KHDC4: variants seen among roughly 807,000 people sequenced by gnomAD.
KHDC4 encodes the protein KH domain containing 4, pre-mRNA splicing factor.
A neutral mutation model predicts 74.5 loss-of-function variants in KHDC4; 19 were observed. The observed-to-expected ratio is 0.26, with a 90% CI of 0.18 to 0.37. KHDC4 has a LOEUF of 0.37. KHDC4 is among the 10% of genes least tolerant of loss of function. KHDC4 has a pLI of 1.00. For missense variants in KHDC4, 632 were observed against 754.1 expected (o/e 0.84, Z 1.90); for synonymous variants, 253 against 266.1 (o/e 0.95, Z 0.48).
chr1:155,915,982 G>T lies in KHDC4; in HGVS notation c.1554-18C>A. The T allele has an allele frequency of 6.7e-7, 1 of 1,500,284 alleles. No individual in the cohort carries two copies. The highest frequency in any genetic ancestry group is 9.1e-7 in the Non-Finnish European group (1 of 1,099,954). The allele number at this position is 1,500,284 out of a possible 1,614,324, so 92.9% of individuals were successfully genotyped here. A position where few individuals can be genotyped will look rare whatever the true frequency, so the allele number is the denominator to read the frequency against. ...TCAACTGCCTATTGAAAAACAAAAT[G>T]AAACTTTCTTTCAGACAATTTAAAT... On this transcript the variant is annotated intron_variant, in intron 12 of 13. Coordinates refer to ENST00000368321, the MANE Select transcript of KHDC4 (RefSeq NM_014949.4).
chr1:155,927,024 A>G (rs1386350960), intron 5 of KHDC4, 80 bp downstream of exon 5: 1 of 1,423,724 alleles, frequency 7.0e-7, no homozygotes, highest in East Asian at 2.3e-5. Flanking sequence ...GCCATCAGGG[A>G]CACTTTGCCA....
intron 3 of KHDC4, 54 bp from the exon 4 acceptor site, chr1:155,929,429 GCAGA>G: frequency 7.2e-7 from 1 of 1,387,198 alleles, no homozygotes; most frequent in Non-Finnish European, 1.0e-6. Context: ...GATTTCAATG[GCAGA>G]CAGATTTTCT....
rs1673681915 is a variant in KHDC4, at chr1:155,914,109, T to G, written c.*12A>C. On this transcript the variant is annotated 3_prime_UTR_variant, in exon 14 of 14. Transcript: ENST00000368321. ...AGAGTCACTGAGGGTCAAAACTCTG[T>G]TCCACTGTTTCCTAGGGAGCCATCC... 1 of 1,609,100 alleles carries G rather than the reference T, an allele frequency of 6.2e-7. No homozygotes were observed. Among genetic ancestry groups the G allele is most frequent in the Non-Finnish European group, 8.5e-7 (1 of 1,175,430 alleles).
At position 155,925,842 on chromosome 1, in the gene KHDC4, A is replaced by G; in HGVS notation, c.683T>C (p.Met228Thr). 1 of 1,601,758 alleles carries G rather than the reference A, an allele frequency of 6.2e-7. No homozygotes were observed. The highest frequency in any genetic ancestry group is 1.1e-5 in the South Asian group (1 of 90,802). The change falls in exon 7 of 14, where the codon ATG (methionine) becomes ACG (threonine). Residue 228 changes from methionine (M) to threonine (T), a missense_variant and splice_region_variant. By Grantham distance (81) the Met-to-Thr change is moderately conservative (BLOSUM62 -1). Coordinates refer to ENST00000368321, the MANE Select transcript of KHDC4 (RefSeq NM_014949.4). Reference protein sequence around the residue: ...VSQKPPFQSGMHYVQDKLFVG... With the variant: ...VSQKPPFQSGTHYVQDKLFVG... The stretch of plus-strand genomic sequence containing the variant: ...AAATAATTTATCTTGAACATAATGC[A>G]TCTGTAGGAAGAACAGAATACTTCA...
chr1:155,914,045 A>C lies in KHDC4; in HGVS notation c.*76T>G. On this transcript the variant is annotated 3_prime_UTR_variant, in exon 14 of 14. Coordinates refer to ENST00000368321, the MANE Select transcript of KHDC4 (RefSeq NM_014949.4). ...CCAGATGGTTCCCAGCACAGGCCCC[A>C]GAGTCTTGTTAAATCAAATGCATGC... 3.9e-6 allele frequency: 5 copies of C among 1,270,034 alleles called. No individual in the cohort carries two copies. Among genetic ancestry groups the C allele is most frequent in the Non-Finnish European group, 5.8e-6 (5 of 869,536 alleles). The allele number at this position is 1,270,034 out of a possible 1,614,324, so 78.7% of individuals were successfully genotyped here. A position where few individuals can be genotyped will look rare whatever the true frequency, so the allele number is the denominator to read the frequency against.
In KHDC4 at chr1:155,917,623, A is replaced by G. The variant is rs765349716; in HGVS notation, c.1316T>C (p.Leu439Ser). ...GGGCTGGGGCTGGGGGCCAGCAGGC[A>G]AGGCAGTTTTGACAGGAGCAGCAGG... The part of the protein sequence containing the change: ...FIPAAPVKTA[L>S]PAGPQPQPQP... Residue 439 changes from leucine to serine, a missense_variant, in exon 11 of 14, where the codon TTG becomes TCG. Leu to Ser is a moderately radical substitution (Grantham distance 145). Around this residue, in one of 4 missense-constraint regions of KHDC4, gnomAD observed 254 missense variants for 267.4 expected, o/e 0.95. Transcript: ENST00000368321. The G allele has an allele frequency of 1.9e-6, 3 of 1,602,518 alleles. No individual in the cohort carries two copies. Among genetic ancestry groups the G allele is most frequent in the South Asian group, 1.1e-5 (1 of 90,220 alleles).
At chr1:155,927,803 CAAA>C (rs1157393289) in intron 4 of KHDC4, among the ~76,000 whole-genome samples, 8 of 8,144 alleles carry the variant, frequency 9.8e-4, no homozygotes, top group South Asian at 3.9e-3. Flanking sequence ...ACTCTGTCTC[CAAA>C]AAAAAAAAAA....
In KHDC4 at chr1:155,923,652, T is replaced by C; in HGVS notation, c.929A>G (p.Lys310Arg). 6.2e-7 allele frequency: 1 copy of C among 1,613,998 alleles called. No individual in the cohort carries two copies. Among genetic ancestry groups the C allele is most frequent in the African/African-American group, 1.3e-5 (1 of 75,056 alleles). ...TGTTTGCAAAAGATTCTCACAAAGC[T>C]TCTTGGCAGCAGCCAGGCCTTCTGG... Reference protein sequence around the residue: ...PKPEGLAAAKKLCENLLQTVH... With the variant: ...PKPEGLAAAKRLCENLLQTVH... The change falls in exon 8 of 14, where the codon AAG (lysine) becomes AGG (arginine). Residue 310 changes from lysine to arginine, a missense_variant. Around this residue, in one of 4 missense-constraint regions of KHDC4, gnomAD observed 233 missense variants for 342.6 expected, o/e 0.68. Transcript: ENST00000368321.
At chr1:155,931,906 T>C (rs1006833835) in intron 2 of KHDC4, among the ~76,000 whole-genome samples, 2 of 152,182 alleles carry the variant, frequency 1.3e-5, no homozygotes, top group African/African-American at 4.8e-5. Flanking sequence ...CCGCCTTTAA[T>C]AGTACTTATC....
Position 155,913,978 on chromosome 1 carries a change from T to C in KHDC4, c.*143A>G. On this transcript the variant is annotated 3_prime_UTR_variant, in exon 14 of 14. Coordinates refer to ENST00000368321, the MANE Select transcript of KHDC4 (RefSeq NM_014949.4). The stretch of plus-strand genomic sequence containing the variant: ...ATTTTTGTGGTTGTTAAGGAACCCC[T>C]TTAAGAAAGGGGGGCACTGAATCTC... 1.5e-6 allele frequency: 1 copy of C among 668,848 alleles called. No homozygotes were observed. Among genetic ancestry groups the C allele is most frequent in the Non-Finnish European group, 2.6e-6 (1 of 387,828 alleles). The allele number at this position is 668,848 out of a possible 1,614,324, so 41.4% of individuals were successfully genotyped here.
At chr1:155,921,050 C>G (rs766519814) in intron 10 of KHDC4, among the ~76,000 whole-genome samples, 1 of 152,196 alleles carries the variant, frequency 6.6e-6, no homozygotes, top group Non-Finnish European at 1.5e-5. Flanking sequence ...CTACAACCAC[C>G]GAGTGTGATA....
rs1347228839 is a variant in KHDC4, at chr1:155,929,731, C to T, written c.365G>A (p.Arg122Gln). ...VPLTCRNLLT[R>Q]GQTQDEISRL... ...CCTCACCTCGTCTTGAGTCTGTCCT[C>T]GAGTCAGCAAGTTCCTACATGTGAG... The change falls in exon 3 of 14, where the codon CGA becomes CAA. Residue 122 changes from arginine to glutamine, a missense_variant. Around this residue, in one of 4 missense-constraint regions of KHDC4, gnomAD observed 233 missense variants for 342.6 expected, o/e 0.68. Transcript: ENST00000368321. 2.5e-6 allele frequency: 4 copies of T among 1,611,998 alleles called. No individual in the cohort carries two copies. Among genetic ancestry groups the T allele is most frequent in the Non-Finnish European group, 3.4e-6 (4 of 1,179,254 alleles).
chr1:155,925,048 A>ATGGAGTCTCGCTCTGTCACCCAGGC (rs1401177288), intron 7 of KHDC4, among the ~76,000 whole-genome samples: 4 of 134,346 alleles, frequency 3.0e-5, no homozygotes, highest in African/African-American at 1.1e-4. Flanking sequence ...TTTTTTTGAG[A>ATGGAGTCTCGCTCTGTCACCCAGGC]TGGAGTCTCG....
chr1:155,913,070 G>GA lies in KHDC4; in HGVS notation c.*1050dup, dbSNP rs1673663620. 1 of 152,608 alleles carries GA rather than the reference G, an allele frequency of 6.6e-6. No individual in the cohort carries two copies. The highest frequency in any genetic ancestry group is 1.5e-5 in the Non-Finnish European group (1 of 68,030). 9.5% of individuals were successfully genotyped at this position (152,608 alleles called of 1,614,324 possible). ...GAATATTTATAGATTTATTTATAAT[G>GA]AAATTATGGTCTAAATATTTACAAC... On this transcript the variant is annotated 3_prime_UTR_variant, in exon 14 of 14. Coordinates refer to ENST00000368321, the MANE Select transcript of KHDC4 (RefSeq NM_014949.4).
chr1:155,934,028 C>T (rs1674199387), intron 1 of KHDC4, among the ~76,000 whole-genome samples, 179 bp from the exon 2 acceptor site: 2 of 152,194 alleles, frequency 1.3e-5, no homozygotes, highest in Admixed American at 6.5e-5. Context: ...CAAACCCCCA[C>T]TTTCAACCCT....
At position 155,927,286 on chromosome 1, in the gene KHDC4, G is replaced by T. The variant is rs146326714; in HGVS notation, c.465-130C>A. 4.9e-4 allele frequency: 325 copies of T among 659,886 alleles called. 1 individual carries two copies. The East Asian group carries it at 6.9e-3, about 14-fold the overall frequency. The allele number at this position is 659,886 out of a possible 1,614,324, so 40.9% of individuals were successfully genotyped here. ...CCAAAAGGGACTATATACATTAGAA[G>T]GGTTTTTGCTAGCTAATGTCTCAGA... is the stretch of plus-strand genomic sequence containing the variant. On this transcript the variant is annotated intron_variant, in intron 4 of 13. Transcript: ENST00000368321.
At chr1:155,929,214 G>A (rs1315378053) in intron 4 of KHDC4, 82 bp downstream of exon 4, 23 of 934,100 alleles carry the variant, frequency 2.5e-5, no homozygotes, top group Admixed American at 3.6e-5. Context: ...TTGTGTACAC[G>A]TATTACCTAA....
intron 4 of KHDC4, among the ~76,000 whole-genome samples, chr1:155,928,376 T>TAATAAATA (rs954790257): frequency 1.3e-5 from 2 of 151,816 alleles, no homozygotes; most frequent in Non-Finnish European, 2.9e-5. Flanking sequence ...ACTCCTTCTC[T>TAATAAATA]AATAAATAAA....
intron 8 of KHDC4, 116 bp from the exon 9 acceptor site, chr1:155,922,034 G>T: frequency 1.5e-5 from 9 of 584,028 alleles, no homozygotes; most frequent in Admixed American, 3.6e-5. Context: ...ATCTACCAAT[G>T]TTCCAATCAA....
Sources: allele counts gnomAD v4.1 joint callset (sites outside exome capture counted in the v4.1 genomes callset), GRCh38; gene constraint gnomAD v4.1.1; regional missense constraint gnomAD v4.1.1; transcripts MANE v1.5; gene names NCBI Gene and HGNC (gene_info 2026-07-23, HGNC 2026-07-21).